CYTH1: variants seen among roughly 807,000 people sequenced by gnomAD.
CYTH1 encodes the protein cytohesin-1.
A neutral mutation model predicts 61.8 loss-of-function variants in CYTH1; 18 were observed. The ratio of observed to expected loss-of-function variants is 0.29; its 90% CI spans 0.20 to 0.43. The LOEUF is 0.43. Ranked by LOEUF, CYTH1 falls within the 20% of genes least tolerant of loss-of-function variation. CYTH1 has a pLI of 1.00. For synonymous variants in CYTH1, 174 were observed against 184.3 expected (o/e 0.94, Z 0.45); for missense variants, 336 against 510.5 (o/e 0.66, Z 3.29).
intron 1 of CYTH1, among the ~76,000 whole-genome samples, chr17:78,711,314 T>TACACACAC (rs71365530): frequency 2.2e-4 from 32 of 142,490 alleles, no homozygotes; most frequent in African/African-American, 8.2e-4. Flanking sequence ...TATATATATA[T>TACACACAC]ACACACACAC....
At chr17:78,777,423 TAAATAAATAA>T (rs1040647643) in intron 1 of CYTH1, among the ~76,000 whole-genome samples, 4 of 151,940 alleles carry the variant, frequency 2.6e-5, no homozygotes, top group African/African-American at 9.6e-5. Flanking sequence ...GTCTCAAAAA[TAAATAAATAA>T]AAATAAATAA....
chr17:78,781,144 G>C (rs2144793055), intron 1 of CYTH1, among the ~76,000 whole-genome samples: 1 of 151,368 alleles, frequency 6.6e-6, no homozygotes, highest in East Asian at 1.9e-4. Context: ...GCTCCAGCCT[G>C]GGTGACAGAG....
At chr17:78,765,275 C>T (rs563435676) in intron 1 of CYTH1, among the ~76,000 whole-genome samples, 2 of 152,222 alleles carry the variant, frequency 1.3e-5, no homozygotes, top group Admixed American at 1.3e-4. Flanking sequence ...GGAACACACC[C>T]AGAAAACGGG....
At chr17:78,767,747 G>A (rs542329403) in intron 1 of CYTH1, among the ~76,000 whole-genome samples, 1 of 152,064 alleles carries the variant, frequency 6.6e-6, no homozygotes, top group Admixed American at 6.6e-5. Flanking sequence ...AGGTCTAGAG[G>A]TAACACCAGA....
intron 1 of CYTH1, among the ~76,000 whole-genome samples, chr17:78,748,499 A>T (rs2093367748): frequency 6.6e-6 from 1 of 152,272 alleles, no homozygotes; most frequent in Non-Finnish European, 1.5e-5. Context: ...AGCACCAGCC[A>T]TTTAATGATA....
chr17:78,711,302 AAT>A (rs139889127), intron 1 of CYTH1, among the ~76,000 whole-genome samples: 49,400 of 131,128 alleles, frequency 0.38, 9,386 homozygotes, highest in Non-Finnish European at 0.44. Context: ...ATAAATAAAT[AAT>A]ATATATATAT....
intron 1 of CYTH1, among the ~76,000 whole-genome samples, chr17:78,777,041 C>T (rs1291025878): frequency 6.6e-6 from 1 of 151,366 alleles, no homozygotes; most frequent in African/African-American, 2.4e-5. Flanking sequence ...AGGAGAATTG[C>T]TTGAATCTGG....
At chr17:78,709,782 A>G (rs2093109167) in intron 1 of CYTH1, 50 bp from the exon 2 acceptor site, 1 of 1,567,930 alleles carries the variant, frequency 6.4e-7, no homozygotes, top group African/African-American at 1.4e-5. Context: ...CTCGCCAAAA[A>G]TCAAGGAAGA....
chr17:78,775,233 G>C (rs2093486377), intron 1 of CYTH1, among the ~76,000 whole-genome samples: 1 of 152,120 alleles, frequency 6.6e-6, no homozygotes, highest in Admixed American at 6.5e-5. Context: ...CATGAAGATT[G>C]GGGGGGCCGC....
At chr17:78,765,283 G>A (rs1216456592) in intron 1 of CYTH1, among the ~76,000 whole-genome samples, 1 of 152,086 alleles carries the variant, frequency 6.6e-6, no homozygotes, top group South Asian at 2.1e-4. Flanking sequence ...CCCAGAAAAC[G>A]GGGCTCCTTC....
intron 1 of CYTH1, among the ~76,000 whole-genome samples, chr17:78,745,853 C>T (rs1396271519): frequency 1.3e-5 from 2 of 152,140 alleles, no homozygotes; most frequent in African/African-American, 2.4e-5. Context: ...CATTGTGCTA[C>T]TGCACTCCAG....
In CYTH1 at chr17:78,705,237, ATATCCGCCAGTCACAGTCTGTGCC is replaced by A. The variant is rs2093052996; in HGVS notation, c.171-2657_171-2634del. Reference sequence around the variant, plus strand: ...CAGCCACCAGAACGCACACTCCCAGATATCCGCCAGTCACAGTCTGTGCCACATGACTGCCTGGGACACACACCA... The same window carrying A: ...CAGCCACCAGAACGCACACTCCCAGAACATGACTGCCTGGGACACACACCA... On this transcript the variant is annotated intron_variant, in intron 3 of 13. Transcript: ENST00000446868. Among the ~76,000 whole-genome samples the A allele has an allele frequency of 6.6e-5, 10 of 152,224 alleles. No homozygotes were observed. In the South Asian group the frequency reaches 1.9e-3, roughly 28 times the overall value.
intron 13 of CYTH1, among the ~76,000 whole-genome samples, chr17:78,679,570 T>C (rs1598809174): frequency 1.3e-5 from 2 of 152,320 alleles, no homozygotes; most frequent in East Asian, 3.9e-4. Flanking sequence ...TTCCAGATAC[T>C]TGTCACATGA....
rs1180839622 is a variant in CYTH1, at chr17:78,762,684, T to A, written c.22+19518A>T. On this transcript the variant is annotated intron_variant, in intron 1 of 13. Transcript: ENST00000446868. ...TAGAGTATCCAAGTGGGCACACGGATTCTTCCAAATGGAAGAGGGAGGCAG... is the reference window on the plus strand; with the variant it reads ...TAGAGTATCCAAGTGGGCACACGGAATCTTCCAAATGGAAGAGGGAGGCAG... Among the ~76,000 whole-genome samples, 4 of 152,164 alleles carry A rather than the reference T, an allele frequency of 2.6e-5. No homozygotes were observed. The East Asian group carries it at 5.8e-4, about 22-fold the overall frequency.
intron 1 of CYTH1, among the ~76,000 whole-genome samples, chr17:78,730,669 A>T (rs928682462): frequency 3.3e-5 from 5 of 151,176 alleles, no homozygotes; most frequent in African/African-American, 7.3e-5. Context: ...TATTATTATT[A>T]TTTTTTTGTT....
Position 78,676,186 on chromosome 17 carries a change from G to A in CYTH1, c.1119-17C>T, listed in dbSNP as rs377206359. ...ATGGCTGCTCTGGAGCACAGAAAAG[G>A]GAGAAAACAGAGACGTGAGGGACAG... On this transcript the variant is annotated splice_polypyrimidine_tract_variant and intron_variant, in intron 13 of 13. Transcript: ENST00000446868. 1.9e-6 allele frequency: 3 copies of A among 1,598,814 alleles called. No individual in the cohort carries two copies. The highest frequency in any genetic ancestry group is 1.3e-5 in the African/African-American group (1 of 74,940).
intron 1 of CYTH1, among the ~76,000 whole-genome samples, chr17:78,715,490 G>A (rs1254841705): frequency 6.6e-6 from 1 of 152,094 alleles, no homozygotes; most frequent in Non-Finnish European, 1.5e-5. Flanking sequence ...CACCAGACCG[G>A]GTCAGAGCAG....
intron 1 of CYTH1, among the ~76,000 whole-genome samples, chr17:78,760,441 A>ATG (rs1447271385): frequency 1.4e-4 from 8 of 55,672 alleles, no homozygotes; most frequent in African/African-American, 4.5e-4. Context: ...ACATATATAT[A>ATG]TGTATATATA....
chr17:78,712,204 A>G (rs1330669342), intron 1 of CYTH1, among the ~76,000 whole-genome samples: 1 of 151,906 alleles, frequency 6.6e-6, no homozygotes, highest in East Asian at 1.9e-4. Context: ...AAAGAGAGAG[A>G]GAAAGAGAAA....
Sources: allele counts gnomAD v4.1 joint callset (sites outside exome capture counted in the v4.1 genomes callset), GRCh38; gene constraint gnomAD v4.1.1; transcripts MANE v1.5; gene names NCBI Gene and HGNC (gene_info 2026-07-23, HGNC 2026-07-21).